The following CALN1 variants were observed in gnomAD, a reference collection of about 807,000 sequenced individuals.
CALN1 encodes the protein calneuron 1.
CALN1 carries 17 observed loss-of-function variants against 30.6 expected under a neutral mutation model. The ratio of observed to expected loss-of-function variants is 0.56; its 90% CI spans 0.38 to 0.83. The LOEUF is 0.83. CALN1 is among the 40% of genes least tolerant of loss of function. CALN1 has a pLI of 0.00. For missense variants in CALN1, 291 were observed against 354.9 expected, an observed-to-expected ratio of 0.82 and a Z score of 1.45; for synonymous variants, 156 against 131.4, an observed-to-expected ratio of 1.19 and a Z score of -1.28.
At chr7:72,012,480 C>T (rs1029230261) in intron 5 of CALN1, among the ~76,000 whole-genome samples, 1 of 152,074 alleles carries the variant, frequency 6.6e-6, no homozygotes, top group Admixed American at 6.5e-5. Flanking sequence ...CCACTGCACT[C>T]CAGCCTGGCA....
chr7:72,132,540 A>G lies in CALN1; in HGVS notation c.245-26246T>C, dbSNP rs373875993. On this transcript the variant is annotated intron_variant, in intron 3 of 6. Transcript: ENST00000395275. ...AGTTAACTGACATATAGGTTGCTTA[A>G]AAAAATTATATGAAGAATGCCACCA... Among the ~76,000 whole-genome samples the G allele has an allele frequency of 2.0e-5, 3 of 152,304 alleles. No individual in the cohort carries two copies. In the East Asian group the frequency reaches 5.8e-4, roughly 29 times the overall value.
chr7:72,285,875 G>A (rs192167734), intron 2 of CALN1, among the ~76,000 whole-genome samples: 4 of 152,254 alleles, frequency 2.6e-5, no homozygotes, highest in East Asian at 3.9e-4. Flanking sequence ...ACAGCAATCC[G>A]TGTCCTCCAA....
At chr7:72,294,900 G>A (rs149445186) in intron 2 of CALN1, among the ~76,000 whole-genome samples, 1 of 152,024 alleles carries the variant, frequency 6.6e-6, no homozygotes. Flanking sequence ...GGCTATGAAG[G>A]CTAATTTAAT....
At position 71,782,204 on chromosome 7, in the gene CALN1, G is replaced by A. The variant is rs1792753817; in HGVS notation, c.*5571C>T. ...AGGTGGGGCCTGCTGGGAGATATTT[G>A]GGTCATAGGGACAGATTCCTCATGA... is the stretch of plus-strand genomic sequence containing the variant. On this transcript the variant is annotated 3_prime_UTR_variant, in exon 7 of 7. Coordinates refer to ENST00000395275, the MANE Select transcript of CALN1 (RefSeq NM_031468.4). The A allele has an allele frequency of 6.6e-6, 1 of 152,174 alleles. No individual in the cohort carries two copies. The highest frequency in any genetic ancestry group is 1.5e-5 in the Non-Finnish European group (1 of 68,036). The allele number at this position is 152,174 out of a possible 1,614,324, so 9.4% of individuals were successfully genotyped here.
intron 6 of CALN1, among the ~76,000 whole-genome samples, chr7:71,796,706 T>C (rs977163629): frequency 2.0e-5 from 3 of 152,216 alleles, no homozygotes; most frequent in African/African-American, 7.2e-5. Context: ...TTACTGAATA[T>C]GTCATGCTGC....
At chr7:72,180,550 T>A (rs1398952050) in intron 3 of CALN1, among the ~76,000 whole-genome samples, 3 of 150,850 alleles carry the variant, frequency 2.0e-5, no homozygotes, top group African/African-American at 7.3e-5. Context: ...TTAATCAACT[T>A]GGGCTATTTG....
intron 5 of CALN1, among the ~76,000 whole-genome samples, chr7:71,987,480 A>G (rs192044296): frequency 3.7e-4 from 57 of 152,206 alleles, no homozygotes; most frequent in African/African-American, 1.3e-3. Flanking sequence ...CAGGGAGGAG[A>G]GCAGAAAGGG....
chr7:72,124,904 G>T (rs550600016), intron 3 of CALN1, among the ~76,000 whole-genome samples: 43 of 151,970 alleles, frequency 2.8e-4, no homozygotes, highest in Admixed American at 2.6e-3. Flanking sequence ...GAAAAACACA[G>T]ATATGCAAAA....
chr7:72,241,388 T>TC lies in CALN1; in HGVS notation c.244+37297_244+37298insG, dbSNP rs1794816486. Reference sequence around the variant, plus strand: ...AAGAATGGTACGAGCACATTCTGTTTTCCCCCCCACACATTTACTTAAACA... The same window carrying TC: ...AAGAATGGTACGAGCACATTCTGTTTCTCCCCCCCACACATTTACTTAAACA... On this transcript the variant is annotated intron_variant, in intron 3 of 6. Coordinates refer to ENST00000395275, the MANE Select transcript of CALN1 (RefSeq NM_031468.4). Among the ~76,000 whole-genome samples, 3 of 152,246 alleles carry TC rather than the reference T, an allele frequency of 2.0e-5. No individual in the cohort carries two copies. In the South Asian group the frequency reaches 6.2e-4, roughly 32 times the overall value.
At chr7:71,950,459 T>C (rs1584589119) in intron 5 of CALN1, among the ~76,000 whole-genome samples, 1 of 152,250 alleles carries the variant, frequency 6.6e-6, no homozygotes, top group Middle Eastern at 3.4e-3. Context: ...ATTCTGTGTC[T>C]TCCTTCAACA....
intron 1 of CALN1, among the ~76,000 whole-genome samples, chr7:72,405,333 C>A (rs1429468565): frequency 1.3e-5 from 2 of 152,186 alleles, no homozygotes; most frequent in African/African-American, 4.8e-5. Context: ...TGCTCACAGA[C>A]CAGCCTTGTA....
At chr7:72,344,661 AAT>A (rs1562908605) in intron 2 of CALN1, among the ~76,000 whole-genome samples, 6 of 146,694 alleles carry the variant, frequency 4.1e-5, no homozygotes, top group South Asian at 2.1e-4. Flanking sequence ...TATTTATATA[AAT>A]ATATATTTTA....
At chr7:72,163,640 T>TA (rs1168983137) in intron 3 of CALN1, among the ~76,000 whole-genome samples, 3 of 152,048 alleles carry the variant, frequency 2.0e-5, no homozygotes, top group Admixed American at 2.0e-4. Flanking sequence ...ATGATATCAG[T>TA]AATAAAAAGT....
intron 5 of CALN1, among the ~76,000 whole-genome samples, chr7:71,856,881 G>A (rs1316288534): frequency 6.6e-6 from 1 of 152,126 alleles, no homozygotes; most frequent in African/African-American, 2.4e-5. Context: ...CTTCAACCTG[G>A]GAGGCGGAGG....
intron 5 of CALN1, among the ~76,000 whole-genome samples, chr7:71,990,660 C>A (rs1798900138): frequency 6.6e-6 from 1 of 152,084 alleles, no homozygotes; most frequent in Non-Finnish European, 1.5e-5. Flanking sequence ...ACCATGTTGG[C>A]CAGGCTGGTC....
chr7:71,925,462 C>G (rs1348726229), intron 5 of CALN1, among the ~76,000 whole-genome samples: 1 of 147,816 alleles, frequency 6.8e-6, no homozygotes, highest in African/African-American at 2.5e-5. Flanking sequence ...AATGTGTTCT[C>G]AAAACCCCCC....
intron 3 of CALN1, among the ~76,000 whole-genome samples, chr7:72,121,797 T>G (rs957860718): frequency 7.1e-6 from 1 of 141,504 alleles, no homozygotes; most frequent in African/African-American, 2.6e-5. Context: ...TTATAATATG[T>G]GTTTTGATTA....
chr7:71,794,534 G>A (rs977121850), intron 6 of CALN1, among the ~76,000 whole-genome samples: 3 of 152,150 alleles, frequency 2.0e-5, no homozygotes, highest in Admixed American at 2.0e-4. Flanking sequence ...GAACTTCTGC[G>A]AGCGTCAGTT....
intron 2 of CALN1, among the ~76,000 whole-genome samples, chr7:72,349,862 A>G (rs1214382273): frequency 6.6e-6 from 1 of 152,166 alleles, no homozygotes; most frequent in African/African-American, 2.4e-5. Flanking sequence ...GTATTTTACA[A>G]ATATTTTCTC....
Sources: gnomAD v4.1 joint callset for allele counts (sites outside exome capture counted in the v4.1 genomes callset) on GRCh38, gnomAD v4.1.1 for gene constraint, MANE v1.5 for transcripts, NCBI Gene and HGNC (gene_info 2026-07-23, HGNC 2026-07-21) for gene names.